CRACR2A: variants seen among roughly 807,000 people sequenced by gnomAD.
CRACR2A encodes EF-hand calcium-binding domain-containing protein 4B.
In CRACR2A, 79 loss-of-function variants were observed where a neutral mutation model predicts 90.5. That is an observed-to-expected ratio of 0.87 (90% CI 0.73 to 1.05). CRACR2A has a LOEUF of 1.05. Ranked by LOEUF, CRACR2A falls within the 50% of genes least tolerant of loss-of-function variation. The pLI, the probability that CRACR2A is intolerant of heterozygous loss-of-function variation, is 0.00. For missense variants in CRACR2A, 823 were observed against 897.2 expected (o/e 0.92, Z 1.06); for synonymous variants, 338 against 356.7 (o/e 0.95, Z 0.59).
At position 3,638,206 on chromosome 12, in the gene CRACR2A, C is replaced by T. The variant is rs911152957; in HGVS notation, c.1520G>A (p.Gly507Glu). The change falls in exon 14 of 20, where the codon GGA becomes GAA. Residue 507 changes from glycine (G) to glutamate (E), a missense_variant. Physicochemically the swap from Gly to Glu is moderately conservative, Grantham distance 98. Coordinates refer to ENST00000440314, the MANE Select transcript of CRACR2A (RefSeq NM_001144958.2). ...CAAGGGTGGGGCCTCCGGGATTTGTCCCTGTACCCCCTGGTCAGAGACCTC... is the reference window on the plus strand; with the variant it reads ...CAAGGGTGGGGCCTCCGGGATTTGTTCCTGTACCCCCTGGTCAGAGACCTC... Reference protein sequence around the residue: ...EEEVSDQGVQGQIPEAPPLKL... With the variant: ...EEEVSDQGVQEQIPEAPPLKL... The T allele has an allele frequency of 1.3e-6, 2 of 1,551,618 alleles. No individual in the cohort carries two copies. The highest frequency in any genetic ancestry group is 3.9e-5 in the Admixed American group (2 of 50,996).
At chr12:3,736,169 G>T (rs979756445) in intron 1 of CRACR2A, among the ~76,000 whole-genome samples, 1 of 151,978 alleles carries the variant, frequency 6.6e-6, no homozygotes, top group African/African-American at 2.4e-5. Flanking sequence ...AGGGGGGCCA[G>T]GTAAGAGGCT....
chr12:3,680,633 A>G lies in CRACR2A; in HGVS notation c.229-284T>C, dbSNP rs554121460. On this transcript the variant is annotated intron_variant, in intron 4 of 19. Coordinates refer to ENST00000440314, the MANE Select transcript of CRACR2A (RefSeq NM_001144958.2). ...GCATTTATTTATCTATCTGCATTTA[A>G]TTCCCATGACAACACTCTGAGCTAG... Among the ~76,000 whole-genome samples, 18 of 152,344 alleles carry G rather than the reference A, an allele frequency of 1.2e-4. No homozygotes were observed. The South Asian group carries it at 3.5e-3, about 30-fold the overall frequency.
chr12:3,646,676 C>T (rs893000854), intron 11 of CRACR2A, among the ~76,000 whole-genome samples: 29 of 152,138 alleles, frequency 1.9e-4, no homozygotes, highest in African/African-American at 7.0e-4. Context: ...CTGCTCATGC[C>T]AGAGGGATCC....
rs145190527 is a variant in CRACR2A at position 3,743,160 on chromosome 12, T to A, written c.-387+9855A>T. Among the ~76,000 whole-genome samples the A allele has an allele frequency of 4.7e-3, 710 of 152,374 alleles. 6 individuals are homozygous for A. Among genetic ancestry groups the A allele is most frequent in the African/African-American group, 0.016 (667 of 41,586 alleles). ...ATTTCAAACTTCTGTAAATAGGGCT[T>A]GTACATTTTTTAAAAATACGTTTAG... On this transcript the variant is annotated intron_variant, in intron 1 of 19. Coordinates refer to ENST00000440314, the MANE Select transcript of CRACR2A (RefSeq NM_001144958.2).
intron 2 of CRACR2A, chr12:3,726,269 C>T (rs568113262): frequency 8.0e-4 from 121 of 151,994 alleles, no homozygotes; most frequent in African/African-American, 2.8e-3. Flanking sequence ...TGTGCAGGAG[C>T]CATGCTAATC....
At chr12:3,722,734 C>T (rs972101816) in intron 2 of CRACR2A, among the ~76,000 whole-genome samples, 2 of 152,070 alleles carry the variant, frequency 1.3e-5, no homozygotes, top group Non-Finnish European at 2.9e-5. Flanking sequence ...GTGAATAGTC[C>T]CCCTCCACTC....
At chr12:3,634,098 G>C (rs957011611) in intron 14 of CRACR2A, among the ~76,000 whole-genome samples, 1 of 152,194 alleles carries the variant, frequency 6.6e-6, no homozygotes, top group Admixed American at 6.5e-5. Context: ...ACAGAGGAGG[G>C]GATCTGAGCG....
intron 12 of CRACR2A, among the ~76,000 whole-genome samples, chr12:3,642,876 C>T (rs960953563): frequency 3.6e-4 from 55 of 152,282 alleles, no homozygotes; most frequent in Admixed American, 7.2e-4. Flanking sequence ...CCATGATTCC[C>T]AGTGATCCTT....
Position 3,638,394 on chromosome 12 carries a change from A to T in CRACR2A, c.1332T>A (p.Ser444Arg). 1.3e-6 allele frequency: 2 copies of T among 1,551,252 alleles called. No individual in the cohort carries two copies. Among genetic ancestry groups the T allele is most frequent in the Middle Eastern group, 3.3e-4 (2 of 5,990 alleles). Residue 444 changes from serine (S) to arginine (R), a missense_variant, in exon 14 of 20, where the codon AGT (serine) becomes AGA (arginine). By Grantham distance (110) the Ser-to-Arg change is moderately radical. Transcript: ENST00000440314. ...GCTCCTCTTCTGTTAGGGGATATCC[A>T]CTCAGGCCCAGGGAGCTTCTCCTTG... Reference protein sequence around the residue: ...GIPRRSSLGLSGYPLTEEEPG... With the variant: ...GIPRRSSLGLRGYPLTEEEPG...
intron 2 of CRACR2A, among the ~76,000 whole-genome samples, chr12:3,724,327 C>T (rs1056976905): frequency 1.3e-5 from 2 of 152,234 alleles, no homozygotes; most frequent in African/African-American, 4.8e-5. Flanking sequence ...TAGGCTCCTG[C>T]TGAGCCAGCC....
intron 2 of CRACR2A, among the ~76,000 whole-genome samples, chr12:3,721,980 T>C (rs781302470): frequency 8.5e-5 from 13 of 152,202 alleles, no homozygotes; most frequent in Non-Finnish European, 1.5e-4. Flanking sequence ...TTGAATGTCA[T>C]GCCAAATTGA....
intron 17 of CRACR2A, among the ~76,000 whole-genome samples, chr12:3,626,531 G>A (rs1029102554): frequency 2.0e-5 from 3 of 152,216 alleles, no homozygotes; most frequent in African/African-American, 4.8e-5. Flanking sequence ...AGCTTCATGA[G>A]GGCAGGAGCT....
intron 4 of CRACR2A, among the ~76,000 whole-genome samples, chr12:3,687,926 G>A (rs930163440): frequency 2.6e-5 from 4 of 152,036 alleles, no homozygotes; most frequent in Non-Finnish European, 5.9e-5. Flanking sequence ...TTTGATTTGC[G>A]TTTCTCTAGT....
intron 1 of CRACR2A, among the ~76,000 whole-genome samples, chr12:3,739,345 T>A (rs564319835): frequency 9.5e-4 from 144 of 151,628 alleles, no homozygotes; most frequent in African/African-American, 3.3e-3. Context: ...GTGTCACTTA[T>A]ATGAGCATTT....
intron 10 of CRACR2A, 21 bp downstream of exon 10, chr12:3,654,191 G>A (rs1944853115): frequency 2.5e-6 from 4 of 1,607,024 alleles, no homozygotes; most frequent in Non-Finnish European, 3.4e-6. Context: ...CAGCAGAGGA[G>A]TGGACAAAGG....
rs775868979 is a variant in CRACR2A at position 3,627,610 on chromosome 12, C to T, written c.1817+15G>A. On this transcript the variant is annotated intron_variant, in intron 16 of 19. Coordinates refer to ENST00000440314, the MANE Select transcript of CRACR2A (RefSeq NM_001144958.2). ...GCCTTCCCTCTGGAGCCCAGAACTT[C>T]GGGCAGCTCCTCACCTCTCCTGCCC... 70 of 1,551,648 alleles carry T rather than the reference C, an allele frequency of 4.5e-5. No individual in the cohort carries two copies. The Middle Eastern group carries it at 1.0e-3, about 22-fold the overall frequency.
intron 17 of CRACR2A, among the ~76,000 whole-genome samples, chr12:3,622,951 T>A (rs919570972): frequency 6.6e-6 from 1 of 152,186 alleles, no homozygotes; most frequent in Non-Finnish European, 1.5e-5. Context: ...CTGTACATTG[T>A]CACCAATGAC....
chr12:3,737,241 G>A (rs998722592), intron 1 of CRACR2A, among the ~76,000 whole-genome samples: 9 of 152,152 alleles, frequency 5.9e-5, no homozygotes, highest in Middle Eastern at 3.2e-3. Flanking sequence ...TGTTAAGGAG[G>A]GAGGACAGTG....
At position 3,734,629 on chromosome 12, in the gene CRACR2A, A is replaced by ATGTGTGTG. The variant is rs59680765; in HGVS notation, c.-386-1427_-386-1420dup. On this transcript the variant is annotated intron_variant, in intron 1 of 19. Coordinates refer to ENST00000440314, the MANE Select transcript of CRACR2A (RefSeq NM_001144958.2). ...GATAAAGAAACTGTGAGGTGTGTGT[A>ATGTGTGTG]TGTGTGTGTGTGTGTGTGTGTGTGC... 2.9e-3 allele frequency among the ~76,000 whole-genome samples: 429 copies of ATGTGTGTG among 149,604 alleles called. 4 individuals are homozygous for ATGTGTGTG. The highest frequency in any genetic ancestry group is 0.01 in the African/African-American group (407 of 40,594).
Sources: allele counts gnomAD v4.1 joint callset (sites outside exome capture counted in the v4.1 genomes callset), GRCh38; gene constraint gnomAD v4.1.1; transcripts MANE v1.5; gene names NCBI Gene and HGNC (gene_info 2026-07-23, HGNC 2026-07-21).